Variants in GATAD2B observed in about 807,000 individuals in gnomAD.
GATAD2B encodes the protein GATA zinc finger domain containing 2B, also known as transcriptional repressor p66-beta.
Under a neutral mutation model 64.3 loss-of-function variants are expected in GATAD2B, and 8 were observed. The observed-to-expected ratio is 0.12, with a 90% CI of 0.07 to 0.22. GATAD2B has a LOEUF of 0.22. Ranked by LOEUF, GATAD2B falls within the 10% of genes least tolerant of loss-of-function variation. The probability of loss-of-function intolerance (pLI) is 1.00; values close to 1 mark genes in which losing one functional copy is unlikely to be tolerated. For synonymous variants in GATAD2B, 281 were observed against 271.3 expected, an observed-to-expected ratio of 1.04 and a Z score of -0.35; for missense variants, 453 against 752.0, an observed-to-expected ratio of 0.60 and a Z score of 4.65.
intron 1 of GATAD2B, among the ~76,000 whole-genome samples, chr1:153,891,725 C>CT (rs1400900417): frequency 3.3e-5 from 5 of 150,088 alleles, no homozygotes; most frequent in Non-Finnish European, 5.9e-5. Flanking sequence ...AAGAGATGTC[C>CT]TTTTTTACTG....
intron 1 of GATAD2B, among the ~76,000 whole-genome samples, chr1:153,870,529 C>T (rs533495717): frequency 1.8e-4 from 28 of 152,068 alleles, no homozygotes; most frequent in African/African-American, 5.8e-4. Context: ...GCAGAGATCG[C>T]GTCACTGCAC....
chr1:153,900,806 A>C (rs1677744409), intron 1 of GATAD2B, among the ~76,000 whole-genome samples: 1 of 152,240 alleles, frequency 6.6e-6, no homozygotes, highest in Non-Finnish European at 1.5e-5. Flanking sequence ...ATATGAAAAA[A>C]AATGAGCATA....
rs374730543 is a variant in GATAD2B, at chr1:153,908,146, A to G, written c.-2+14587T>C. 5.9e-5 allele frequency among the ~76,000 whole-genome samples: 9 copies of G among 152,210 alleles called. No individual in the cohort carries two copies. In the East Asian group the frequency reaches 1.7e-3, roughly 29 times the overall value. On this transcript the variant is annotated intron_variant, in intron 1 of 10. Transcript: ENST00000368655. Reference sequence around the variant, plus strand: ...GTTATGTACATTTTAACACAAACACACACTCACGCACGCACACATCTATGT... The same window carrying G: ...GTTATGTACATTTTAACACAAACACGCACTCACGCACGCACACATCTATGT...
At chr1:153,911,646 G>T (rs1173933024) in intron 1 of GATAD2B, among the ~76,000 whole-genome samples, 1 of 152,086 alleles carries the variant, frequency 6.6e-6, no homozygotes, top group Non-Finnish European at 1.5e-5. Context: ...TGAGGCAGGA[G>T]ATTCACTTGA....
At chr1:153,810,605 C>A (rs1200502340) in intron 10 of GATAD2B, among the ~76,000 whole-genome samples, 2 of 152,106 alleles carry the variant, frequency 1.3e-5, no homozygotes, top group Admixed American at 6.5e-5. Context: ...TAGGCGCGTG[C>A]CACTACTGCC....
At chr1:153,908,062 C>T (rs746501401) in intron 1 of GATAD2B, among the ~76,000 whole-genome samples, 3 of 152,314 alleles carry the variant, frequency 2.0e-5, no homozygotes, top group Admixed American at 6.5e-5. Flanking sequence ...CTTGGCCTCC[C>T]AAAGTGCTGG....
chr1:153,811,293 C>A (rs1380671168), intron 10 of GATAD2B, among the ~76,000 whole-genome samples: 3 of 152,290 alleles, frequency 2.0e-5, no homozygotes, highest in African/African-American at 7.2e-5. Context: ...AATGAACATG[C>A]TTCTGATGGT....
At chr1:153,888,491 T>C (rs1164107004) in intron 1 of GATAD2B, among the ~76,000 whole-genome samples, 1 of 152,192 alleles carries the variant, frequency 6.6e-6, no homozygotes, top group Non-Finnish European at 1.5e-5. Flanking sequence ...TAATACTTGA[T>C]TGCTGATTAT....
At chr1:153,909,806 G>T (rs1029727681) in intron 1 of GATAD2B, among the ~76,000 whole-genome samples, 3 of 151,580 alleles carry the variant, frequency 2.0e-5, no homozygotes, top group African/African-American at 7.3e-5. Context: ...AAATTAGCTG[G>T]GTGTGGTGGC....
chr1:153,890,409 A>G (rs1355955623), intron 1 of GATAD2B, among the ~76,000 whole-genome samples: 1 of 147,488 alleles, frequency 6.8e-6, no homozygotes, highest in African/African-American at 2.5e-5. Context: ...AATCGCATAA[A>G]CCCAGGAGGC....
At chr1:153,921,662 T>C (rs987566602) in intron 1 of GATAD2B, among the ~76,000 whole-genome samples, 5 of 152,050 alleles carry the variant, frequency 3.3e-5, no homozygotes, top group African/African-American at 1.2e-4. Flanking sequence ...AAACTGGTTC[T>C]CAGGAGGCTA....
At position 153,889,367 on chromosome 1, in the gene GATAD2B, G is replaced by A. The variant is rs193102643; in HGVS notation, c.-2+33366C>T. Among the ~76,000 whole-genome samples the A allele has an allele frequency of 5.9e-3, 805 of 136,388 alleles. 1 individual carries two copies. The highest frequency in any genetic ancestry group is 0.018 in the African/African-American group (658 of 37,154). The allele number at this position is 136,388 out of a possible 152,430, so 89.5% of individuals were successfully genotyped here. ...GCGGACGTTCTGGTGAACCGAGATC[G>A]TGCCATTGCACTCCAGCCTGGGCAA... is the stretch of plus-strand genomic sequence containing the variant. On this transcript the variant is annotated intron_variant, in intron 1 of 10. Coordinates refer to ENST00000368655, the MANE Select transcript of GATAD2B (RefSeq NM_020699.4).
intron 1 of GATAD2B, among the ~76,000 whole-genome samples, chr1:153,902,458 G>A (rs546627930): frequency 6.6e-6 from 1 of 152,024 alleles, no homozygotes; most frequent in East Asian, 1.9e-4. Flanking sequence ...TATAATTATT[G>A]TATTCCTTTT....
chr1:153,811,874 A>C, intron 9 of GATAD2B, 26 bp from the exon 10 acceptor site: 1 of 1,479,386 alleles, frequency 6.8e-7, no homozygotes, highest in Non-Finnish European at 9.4e-7. Context: ...GACAGTGGAT[A>C]CAACTTTGAT....
intron 1 of GATAD2B, among the ~76,000 whole-genome samples, chr1:153,891,837 T>C (rs2101950357): frequency 6.6e-6 from 1 of 151,834 alleles, no homozygotes; most frequent in South Asian, 2.1e-4. Flanking sequence ...TTTAACATAA[T>C]TACTAAAAGA....
chr1:153,855,885 G>C (rs1236525267), intron 1 of GATAD2B, among the ~76,000 whole-genome samples: 1 of 152,030 alleles, frequency 6.6e-6, no homozygotes, highest in Middle Eastern at 3.2e-3. Context: ...TTTTTGCCAT[G>C]TTGCCCAGGC....
intron 1 of GATAD2B, among the ~76,000 whole-genome samples, chr1:153,905,218 A>G (rs1393268539): frequency 1.3e-5 from 2 of 152,086 alleles, no homozygotes; most frequent in African/African-American, 4.8e-5. Context: ...TAATAAAAAT[A>G]CAAACAATTA....
At chr1:153,861,793 A>ATAT (rs1488174987) in intron 1 of GATAD2B, among the ~76,000 whole-genome samples, 20 of 81,860 alleles carry the variant, frequency 2.4e-4, no homozygotes, top group East Asian at 1.3e-3. Context: ...AAAAAAAAAA[A>ATAT]AAATATATAT....
chr1:153,852,452 C>T, intron 1 of GATAD2B: 1 of 759,292 alleles, frequency 1.3e-6, no homozygotes, highest in South Asian at 1.4e-5. Context: ...TCTGGAGCTG[C>T]TAAGTCAGGT....
Sources: allele counts gnomAD v4.1 joint callset (sites outside exome capture counted in the v4.1 genomes callset), GRCh38; gene constraint gnomAD v4.1.1; transcripts MANE v1.5; gene names NCBI Gene and HGNC (gene_info 2026-07-23, HGNC 2026-07-21).